PARP9: variants seen among roughly 807,000 people sequenced by gnomAD.
The protein encoded by PARP9 is protein mono-ADP-ribosyltransferase PARP9.
In PARP9, 48 loss-of-function variants were observed where a neutral mutation model predicts 68.8. The ratio of observed to expected loss-of-function variants is 0.70; its 90% CI spans 0.55 to 0.89. The LOEUF (loss-of-function observed/expected upper bound fraction) is 0.89, where lower values mean the gene tolerates loss of function less well. Among genes scored for constraint, PARP9 ranks in the 40% least tolerant of loss-of-function variants. PARP9 has a pLI of 0.00. For missense variants in PARP9, 806 were observed against 969.3 expected (o/e 0.83, Z 2.24); for synonymous variants, 309 against 333.8 (o/e 0.93, Z 0.81).
chr3:122,540,709 T>A lies in PARP9; in HGVS notation c.1528A>T (p.Ile510Phe). The part of the protein sequence containing the change: ...QRILSLQNHH[I>F]IENNHILYLG... ...TACAGAATATGATTATTCTCAATGA[T>A]GTGGTGGTTCTGGAGACTCAGGATT... The change falls in exon 8 of 11, where the codon ATC (isoleucine) becomes TTC (phenylalanine). Residue 510 changes from isoleucine to phenylalanine, a missense_variant. Physicochemically the swap from Ile to Phe is conservative, Grantham distance 21. Coordinates refer to ENST00000682323, the MANE Select transcript of PARP9 (RefSeq NM_001146105.2). 1.2e-6 allele frequency: 2 copies of A among 1,614,202 alleles called. No homozygotes were observed. The highest frequency in any genetic ancestry group is 1.7e-6 in the Non-Finnish European group (2 of 1,180,030).
In PARP9 at chr3:122,540,653, A is replaced by G. The variant is rs377748207; in HGVS notation, c.1584T>C (p.Ser528=). Residue 528 remains serine (S), a synonymous_variant, in exon 8 of 11, where the codon TCT becomes TCC. Transcript: ENST00000682323. The part of the protein sequence containing the change: ...YLGRKEHDIL[S]QLQKTSSVSI... Reference sequence around the variant, plus strand: ...AGACACTTGAAGTTTTCTGAAGCTGAGACAAAATGTCATGTTCCTTTCTCC... The same window carrying G: ...AGACACTTGAAGTTTTCTGAAGCTGGGACAAAATGTCATGTTCCTTTCTCC... 1.2e-6 allele frequency: 2 copies of G among 1,614,058 alleles called. No homozygotes were observed. Among genetic ancestry groups the G allele is most frequent in the African/African-American group, 1.3e-5 (1 of 74,914 alleles).
chr3:122,561,256 C>T (rs539745350), intron 1 of PARP9, among the ~76,000 whole-genome samples: 19 of 152,282 alleles, frequency 1.2e-4, no homozygotes, highest in South Asian at 8.3e-4. Context: ...CTCAGGAGTT[C>T]GAGACCAACC....
intron 8 of PARP9, among the ~76,000 whole-genome samples, chr3:122,539,507 A>ATTTATTTCTTTC (rs1553714535): frequency 2.3e-4 from 30 of 133,236 alleles, no homozygotes; most frequent in African/African-American, 7.3e-4. Context: ...CCAAGATGGC[A>ATTTATTTCTTTC]TTTCTTTCTT....
At chr3:122,535,864 T>C in intron 10 of PARP9, 2 of 1,048,936 alleles carry the variant, frequency 1.9e-6, no homozygotes, top group Admixed American at 5.2e-5. Flanking sequence ...AAAAAAAGCC[T>C]CAACGTGTTC....
At chr3:122,531,637 A>C (rs1431912116) in intron 10 of PARP9, 1 of 152,180 alleles carries the variant, frequency 6.6e-6, no homozygotes, top group Non-Finnish European at 1.5e-5. Context: ...GTTTACAAGT[A>C]CATATATATA....
chr3:122,564,634 C>T (rs538985840), upstream of PARP9: 37 of 1,578,426 alleles, frequency 2.3e-5, no homozygotes, highest in African/African-American at 3.7e-4. Flanking sequence ...GGCGGCCAGG[C>T]TGCGAAAGCC....
chr3:122,534,252 A>G (rs2077488755), intron 10 of PARP9: 1 of 928,592 alleles, frequency 1.1e-6, no homozygotes, highest in African/African-American at 1.8e-5. Flanking sequence ...GTATTGCTGA[A>G]GAAACCACAA....
At chr3:122,537,811 CCTTA>C (rs1452825853) in intron 8 of PARP9, among the ~76,000 whole-genome samples, 2 of 152,066 alleles carry the variant, frequency 1.3e-5, no homozygotes, top group Admixed American at 6.6e-5. Flanking sequence ...CTCCTTCCTT[CCTTA>C]CTTCCTTCTT....
chr3:122,539,384 A>G (rs1256708105), intron 8 of PARP9, among the ~76,000 whole-genome samples: 1 of 152,166 alleles, frequency 6.6e-6, no homozygotes, highest in Non-Finnish European at 1.5e-5. Flanking sequence ...GAGCAGGAAC[A>G]ATGTCTATCT....
rs749311474 is a variant in PARP9 at position 122,550,576 on chromosome 3, T to G, written c.1326+8A>C. Reference sequence around the variant, plus strand: ...GAACAGTAGGACATTTCTAAGATATTAACTTACCTTATATATCTCCAAATC... The same window carrying G: ...GAACAGTAGGACATTTCTAAGATATGAACTTACCTTATATATCTCCAAATC... On this transcript the variant is annotated splice_region_variant and intron_variant, in intron 6 of 10. Transcript: ENST00000682323. 2.5e-6 allele frequency: 4 copies of G among 1,577,874 alleles called. No homozygotes were observed. The Admixed American group carries it at 6.7e-5, about 26-fold the overall frequency.
intron 10 of PARP9, chr3:122,535,899 A>G (rs1576381636): frequency 1.5e-6 from 2 of 1,370,130 alleles, no homozygotes; most frequent in Non-Finnish European, 1.9e-6. Flanking sequence ...ACAGAAACAC[A>G]TAAAGGAGAA....
Position 122,556,453 on chromosome 3 carries a change from A to G in PARP9, c.50-332T>C, listed in dbSNP as rs143818405. On this transcript the variant is annotated intron_variant, in intron 3 of 10. Coordinates refer to ENST00000682323, the MANE Select transcript of PARP9 (RefSeq NM_001146105.2). ...TGGGGGCTTGTGAATTTTTAAAAAT[A>G]TATATAAAAGTGGCGAGCTTAGAAA... Among the ~76,000 whole-genome samples the G allele has an allele frequency of 3.1e-3, 478 of 152,314 alleles. 2 individuals carry two copies. The highest frequency in any genetic ancestry group is 5.4e-3 in the Admixed American group (83 of 15,292).
intron 9 of PARP9, 52 bp downstream of exon 9, chr3:122,536,882 A>T (rs2077684642): frequency 6.4e-7 from 1 of 1,567,986 alleles, no homozygotes; most frequent in South Asian, 1.2e-5. Context: ...GGCTACAGAA[A>T]CAAGTTAATT....
chr3:122,546,308 G>A (rs2078693176), intron 6 of PARP9, among the ~76,000 whole-genome samples: 1 of 152,232 alleles, frequency 6.6e-6, no homozygotes, highest in Admixed American at 6.5e-5. Context: ...GCTCTTTCAT[G>A]ATGCTGGGCG....
At position 122,550,812 on chromosome 3, in the gene PARP9, AAC is replaced by A. The variant is rs766842662; in HGVS notation, c.1108-12_1108-11del. ...TTGCATGTTTTAATATCTGCAGGAA[AAC>A]ACAAATTTAAGATCAGCATTTGAGT... is the stretch of plus-strand genomic sequence containing the variant. On this transcript the variant is annotated splice_polypyrimidine_tract_variant and intron_variant, in intron 5 of 10. Transcript: ENST00000682323. 6.2e-7 allele frequency: 1 copy of A among 1,606,932 alleles called. No individual in the cohort carries two copies. The highest frequency in any genetic ancestry group is 8.5e-7 in the Non-Finnish European group (1 of 1,174,400).
chr3:122,536,729 T>C (rs2107580663), intron 9 of PARP9: 1 of 596,150 alleles, frequency 1.7e-6, no homozygotes, highest in East Asian at 3.0e-5. Flanking sequence ...TGCTTCTGTG[T>C]GTCCTGATGT....
At position 122,558,551 on chromosome 3, in the gene PARP9, C is replaced by T. The variant is rs867344332; in HGVS notation, c.16-84G>A. On this transcript the variant is annotated intron_variant, in intron 2 of 10. Transcript: ENST00000682323. ...GATAACCAATACACCCTAGTAAACA[C>T]AATGCAATGGAAATCCTGCTCAAAG... 14 of 1,501,864 alleles carry T rather than the reference C, an allele frequency of 9.3e-6. No homozygotes were observed. In the Middle Eastern group the frequency reaches 1.0e-3, roughly 112 times the overall value. 93.0% of individuals were successfully genotyped at this position (1,501,864 alleles called of 1,614,324 possible).
chr3:122,536,119 C>G, intron 10 of PARP9, 49 bp downstream of exon 10: 1 of 1,613,780 alleles, frequency 6.2e-7, no homozygotes, highest in Admixed American at 1.7e-5. Flanking sequence ...CTGATGTCAG[C>G]TCACCAAATT....
chr3:122,533,928 A>G (rs2077469517), intron 10 of PARP9: 9 of 985,502 alleles, frequency 9.1e-6, no homozygotes, highest in Non-Finnish European at 1.1e-5. Context: ...TGTACTCCAA[A>G]TAACAACAGC....
Sources: gnomAD v4.1 joint callset for allele counts (sites outside exome capture counted in the v4.1 genomes callset) on GRCh38, gnomAD v4.1.1 for gene constraint, MANE v1.5 for transcripts, NCBI Gene and HGNC (gene_info 2026-07-23, HGNC 2026-07-21) for gene names.